The following COL24A1 variants were observed in gnomAD, a reference collection of about 807,000 sequenced individuals.
The protein encoded by COL24A1 is collagen type XXIV alpha 1 chain, also known as collagen alpha-1(XXIV) chain.
COL24A1 carries 224 observed loss-of-function variants against 253.9 expected under a neutral mutation model. The observed-to-expected ratio is 0.88, with a 90% confidence interval of 0.79 to 0.99. The LOEUF (loss-of-function observed/expected upper bound fraction) is 0.99, where lower values mean the gene tolerates loss of function less well. Among genes scored for constraint, COL24A1 ranks in the 50% least tolerant of loss-of-function variants. The probability of loss-of-function intolerance (pLI) is 0.00; values close to 1 mark genes in which losing one functional copy is unlikely to be tolerated. For synonymous variants in COL24A1, 685 were observed against 673.7 expected (o/e 1.02, Z -0.26); for missense variants, 2,131 against 2,068.5 (o/e 1.03, Z -0.59).
At chr1:85,993,280 T>G (rs1694459984) in intron 19 of COL24A1, among the ~76,000 whole-genome samples, 1 of 152,142 alleles carries the variant, frequency 6.6e-6, no homozygotes, top group South Asian at 2.1e-4. Context: ...TTAGAGTATC[T>G]GTTTTCTATT....
In COL24A1 at chr1:85,844,543, G is replaced by A. The variant is rs142300017; in HGVS notation, c.3463-2150C>T. ...GTGAATCAGAAAACCATTTTAAAAA[G>A]TTGAGTGAAAAACAAAGTAGACACT... On this transcript the variant is annotated intron_variant, in intron 39 of 59. Coordinates refer to ENST00000370571, the MANE Select transcript of COL24A1 (RefSeq NM_152890.7). Among the ~76,000 whole-genome samples the A allele has an allele frequency of 2.6e-4, 40 of 152,062 alleles. 1 individual carries two copies. The East Asian group carries it at 6.9e-3, about 26-fold the overall frequency.
At chr1:85,848,310 TTTG>T (rs990721299) in intron 38 of COL24A1, among the ~76,000 whole-genome samples, 51 of 152,266 alleles carry the variant, frequency 3.3e-4, no homozygotes, top group African/African-American at 1.2e-3. Flanking sequence ...ACCTTTCTTT[TTTG>T]TTGTTGTTTT....
At chr1:86,133,650 G>A (rs983450586) in intron 2 of COL24A1, among the ~76,000 whole-genome samples, 6 of 152,106 alleles carry the variant, frequency 3.9e-5, no homozygotes, top group Non-Finnish European at 5.9e-5. Context: ...GCTGGATTAC[G>A]TTTATTGATT....
chr1:86,117,444 A>C (rs190484930), intron 3 of COL24A1, among the ~76,000 whole-genome samples: 121 of 152,354 alleles, frequency 7.9e-4, no homozygotes, highest in Non-Finnish European at 5.9e-5. Context: ...AGCTTCCAGA[A>C]CTGTGAGAAA....
intron 24 of COL24A1, among the ~76,000 whole-genome samples, chr1:85,941,198 A>T (rs1441352118): frequency 6.6e-6 from 1 of 152,194 alleles, no homozygotes; most frequent in Non-Finnish European, 1.5e-5. Context: ...TTATTTTCAC[A>T]TGTAAATTGT....
chr1:85,950,669 G>T (rs898449645), intron 24 of COL24A1, among the ~76,000 whole-genome samples: 1 of 152,148 alleles, frequency 6.6e-6, no homozygotes, highest in Non-Finnish European at 1.5e-5. Context: ...TACCCTTCAT[G>T]ATTTAGTTTT....
intron 2 of COL24A1, among the ~76,000 whole-genome samples, chr1:86,128,569 C>G (rs1648674822): frequency 6.6e-6 from 1 of 151,880 alleles, no homozygotes; most frequent in African/African-American, 2.4e-5. Flanking sequence ...ATTAAGAACC[C>G]CTGCCATCTA....
chr1:86,004,970 C>T (rs1484409317), intron 19 of COL24A1, among the ~76,000 whole-genome samples: 1 of 152,152 alleles, frequency 6.6e-6, no homozygotes, highest in Non-Finnish European at 1.5e-5. Context: ...CACTGGGCAC[C>T]TTCTTGTACT....
chr1:85,873,901 C>A (rs931638079), intron 35 of COL24A1, among the ~76,000 whole-genome samples: 13 of 151,568 alleles, frequency 8.6e-5, no homozygotes, highest in Non-Finnish European at 1.6e-4. Context: ...AAATGTAGAG[C>A]CATACTTTAT....
intron 19 of COL24A1, among the ~76,000 whole-genome samples, chr1:85,991,144 T>C (rs1317232498): frequency 6.6e-6 from 1 of 152,182 alleles, no homozygotes; most frequent in African/African-American, 2.4e-5. Context: ...AAAACAAACC[T>C]GAATATGGTA....
At chr1:86,047,808 T>C (rs1398789671) in intron 11 of COL24A1, among the ~76,000 whole-genome samples, 1 of 152,144 alleles carries the variant, frequency 6.6e-6, no homozygotes, top group African/African-American at 2.4e-5. Context: ...ATTGTGGTTT[T>C]CTGTTACTTG....
At chr1:85,788,121 C>T (rs1015841381) in intron 47 of COL24A1, among the ~76,000 whole-genome samples, 6 of 151,938 alleles carry the variant, frequency 3.9e-5, no homozygotes, top group East Asian at 1.9e-4. Context: ...GACAGAGTCA[C>T]GCTCAGTCAC....
intron 14 of COL24A1, 52 bp from the exon 15 acceptor site, chr1:86,023,059 A>G (rs1322886333): frequency 2.1e-5 from 32 of 1,547,058 alleles, no homozygotes; most frequent in Non-Finnish European, 2.8e-5. Flanking sequence ...TAGGATTAGA[A>G]AGAAAATGTG....
chr1:85,956,362 G>A (rs1690467670), intron 24 of COL24A1, among the ~76,000 whole-genome samples: 1 of 152,120 alleles, frequency 6.6e-6, no homozygotes, highest in Admixed American at 6.6e-5. Flanking sequence ...GATTATAAAG[G>A]TTTTGTAATG....
chr1:85,907,795 T>C (rs943285190), intron 27 of COL24A1, among the ~76,000 whole-genome samples: 2 of 151,874 alleles, frequency 1.3e-5, no homozygotes, highest in East Asian at 1.9e-4. Context: ...TTTATAGCTA[T>C]AGTCTTTAAT....
intron 12 of COL24A1, among the ~76,000 whole-genome samples, chr1:86,037,862 T>A (rs61800726): frequency 6.6e-6 from 1 of 152,086 alleles, no homozygotes; most frequent in Non-Finnish European, 1.5e-5. Flanking sequence ...ATAGGTAATG[T>A]TCAATATAAG....
chr1:85,965,477 C>T (rs555586847), intron 22 of COL24A1, among the ~76,000 whole-genome samples: 6 of 152,002 alleles, frequency 3.9e-5, no homozygotes, highest in African/African-American at 1.4e-4. Context: ...AAGCCCTCAC[C>T]GAAAAGTTCT....
chr1:85,741,746 T>A (rs1483342848), intron 57 of COL24A1, among the ~76,000 whole-genome samples: 1 of 152,228 alleles, frequency 6.6e-6, no homozygotes, highest in African/African-American at 2.4e-5. Context: ...ACTTAAAAAA[T>A]TAATTTAGCC....
chr1:85,761,516 T>C lies in COL24A1; in HGVS notation c.4410+15A>G. The C allele has an allele frequency of 1.9e-6, 3 of 1,614,038 alleles. No individual in the cohort carries two copies. The highest frequency in any genetic ancestry group is 2.5e-6 in the Non-Finnish European group (3 of 1,179,946). ...AGCATCAATGGTAAACAGATATAAA[T>C]GAAAACCAACTCACTGGAGGCCCTG... On this transcript the variant is annotated intron_variant, in intron 54 of 59. Transcript: ENST00000370571.
Sources: gnomAD v4.1 joint callset for allele counts (sites outside exome capture counted in the v4.1 genomes callset) on GRCh38, gnomAD v4.1.1 for gene constraint, MANE v1.5 for transcripts, NCBI Gene and HGNC (gene_info 2026-07-23, HGNC 2026-07-21) for gene names.